The following MACROD2 variants were observed in gnomAD, a reference collection of about 807,000 sequenced individuals.
MACROD2 encodes the protein mono-ADP ribosylhydrolase 2, also known as ADP-ribose glycohydrolase MACROD2.
Under a neutral mutation model 70.4 loss-of-function variants are expected in MACROD2, and 36 were observed. The ratio of observed to expected loss-of-function variants is 0.51; its 90% confidence interval spans 0.39 to 0.68. The LOEUF is 0.68. Ranked by LOEUF, MACROD2 falls within the 30% of genes least tolerant of loss-of-function variation. The pLI is 0.00. For missense variants in MACROD2, 496 were observed against 538.4 expected (o/e 0.92, Z 0.78); for synonymous variants, 172 against 178.8 (o/e 0.96, Z 0.30).
At chr20:14,260,600 G>T (rs2082093679) in intron 3 of MACROD2, among the ~76,000 whole-genome samples, 1 of 152,112 alleles carries the variant, frequency 6.6e-6, no homozygotes, top group South Asian at 2.1e-4. Flanking sequence ...ACCACACCCA[G>T]CCCCTAAGCT....
chr20:14,639,473 T>A (rs1984973979), intron 4 of MACROD2, among the ~76,000 whole-genome samples: 1 of 152,218 alleles, frequency 6.6e-6, no homozygotes, highest in Non-Finnish European at 1.5e-5. Flanking sequence ...TAATTAATAA[T>A]CTTTCTGTTA....
chr20:14,692,247 T>A (rs2071073603), intron 5 of MACROD2, among the ~76,000 whole-genome samples: 2 of 152,172 alleles, frequency 1.3e-5, no homozygotes, highest in South Asian at 4.1e-4. Context: ...GTGAGGGCCA[T>A]TGCCCTAGAG....
At chr20:15,532,448 T>A (rs1269129603) in intron 8 of MACROD2, among the ~76,000 whole-genome samples, 1 of 152,060 alleles carries the variant, frequency 6.6e-6, no homozygotes, top group Non-Finnish European at 1.5e-5. Flanking sequence ...ATTTTGCAAG[T>A]TTTAGCTACC....
intron 7 of MACROD2, among the ~76,000 whole-genome samples, chr20:15,483,894 C>T (rs534727813): frequency 7.9e-5 from 12 of 152,018 alleles, no homozygotes; most frequent in Admixed American, 2.0e-4. Context: ...GAATGTTTGA[C>T]TTTTGTATAT....
At chr20:14,013,273 C>CTTTT (rs770856375) in intron 2 of MACROD2, among the ~76,000 whole-genome samples, 4 of 128,716 alleles carry the variant, frequency 3.1e-5, no homozygotes, top group Admixed American at 8.0e-5. Flanking sequence ...ACTGTACTTT[C>CTTTT]TTTTTTTTTT....
At chr20:15,572,803 A>G (rs2048392832) in intron 8 of MACROD2, among the ~76,000 whole-genome samples, 1 of 152,124 alleles carries the variant, frequency 6.6e-6, no homozygotes, top group Non-Finnish European at 1.5e-5. Context: ...TAGTCAGCAT[A>G]TTATCAAAGT....
chr20:14,167,108 C>CT (rs1005776324), intron 3 of MACROD2, among the ~76,000 whole-genome samples: 8 of 152,124 alleles, frequency 5.3e-5, no homozygotes, highest in African/African-American at 1.9e-4. Context: ...TCTCATGTCC[C>CT]TTTTTTATCT....
At chr20:14,492,881 T>A (rs1318968570) in intron 3 of MACROD2, among the ~76,000 whole-genome samples, 1 of 152,102 alleles carries the variant, frequency 6.6e-6, no homozygotes, top group Non-Finnish European at 1.5e-5. Context: ...TGTTTTATAT[T>A]TTTTTAGCTC....
At chr20:14,972,271 G>A (rs915842829) in intron 5 of MACROD2, among the ~76,000 whole-genome samples, 9 of 152,184 alleles carry the variant, frequency 5.9e-5, no homozygotes, top group Non-Finnish European at 2.9e-5. Context: ...GGCTTCTCTT[G>A]ATGTGGGAGG....
chr20:15,538,500 T>C (rs1317214100), intron 8 of MACROD2, among the ~76,000 whole-genome samples: 1 of 152,170 alleles, frequency 6.6e-6, no homozygotes, highest in African/African-American at 2.4e-5. Flanking sequence ...AAGTTGAACA[T>C]GTGGAGTTTG....
chr20:14,508,783 A>T (rs933960171), intron 4 of MACROD2, among the ~76,000 whole-genome samples: 1 of 152,210 alleles, frequency 6.6e-6, no homozygotes, highest in Non-Finnish European at 1.5e-5. Context: ...TAAAACAATT[A>T]CACAGTGAAT....
rs1177498607 is a variant in MACROD2 at position 15,234,012 on chromosome 20, C to CTTTTTTTTTTTTTT, written c.540+3975_540+3988dup. Among the ~76,000 whole-genome samples the CTTTTTTTTTTTTTT allele has an allele frequency of 2.4e-4, 7 of 29,184 alleles. 2 individuals carry two copies. Among genetic ancestry groups the CTTTTTTTTTTTTTT allele is most frequent in the Non-Finnish European group, 4.0e-4 (7 of 17,364 alleles). 19.1% of individuals were successfully genotyped at this position (29,184 alleles called of 152,430 possible). A position where few individuals can be genotyped will look rare whatever the true frequency, so the allele number is the denominator to read the frequency against. ...ATATATATATATATATATATATATT[C>CTTTTTTTTTTTTTT]TTTTTTTTTTTTTTTTTTTTTTTTT... On this transcript the variant is annotated intron_variant, in intron 6 of 17. Coordinates refer to ENST00000684519, the MANE Select transcript of MACROD2 (RefSeq NM_001351661.2).
chr20:15,152,224 G>T (rs1207898306), intron 5 of MACROD2, among the ~76,000 whole-genome samples: 2 of 151,918 alleles, frequency 1.3e-5, no homozygotes, highest in Non-Finnish European at 2.9e-5. Flanking sequence ...AAAATAAGAT[G>T]CTTAGATTTT....
chr20:15,386,892 G>C (rs1027978468), intron 6 of MACROD2, among the ~76,000 whole-genome samples: 1 of 152,152 alleles, frequency 6.6e-6, no homozygotes, highest in African/African-American at 2.4e-5. Context: ...CCTGTAATCT[G>C]TGATCCCTGG....
chr20:15,522,754 G>C (rs1179832094), intron 8 of MACROD2, among the ~76,000 whole-genome samples: 1 of 152,152 alleles, frequency 6.6e-6, no homozygotes, highest in African/African-American at 2.4e-5. Context: ...GACTTGGATG[G>C]CCTTTAGCTG....
At chr20:15,052,703 ACT>A (rs1289517993) in intron 5 of MACROD2, among the ~76,000 whole-genome samples, 1 of 152,112 alleles carries the variant, frequency 6.6e-6, no homozygotes, top group Non-Finnish European at 1.5e-5. Context: ...CCAGTTAATA[ACT>A]CTACAATGGC....
At chr20:14,256,009 G>C (rs58623651) in intron 3 of MACROD2, among the ~76,000 whole-genome samples, 56,962 of 151,638 alleles carry the variant, frequency 0.38, 12,512 homozygotes, top group African/African-American at 0.59. Flanking sequence ...GTTTAGATTA[G>C]TTTTTTCCCA....
intron 8 of MACROD2, among the ~76,000 whole-genome samples, chr20:15,598,730 T>C (rs2146683217): frequency 6.6e-6 from 1 of 152,340 alleles, no homozygotes; most frequent in East Asian, 1.9e-4. Context: ...CCATGCTCAC[T>C]GGAAACAAAG....
intron 8 of MACROD2, among the ~76,000 whole-genome samples, chr20:15,655,532 C>A (rs2049717121): frequency 6.6e-6 from 1 of 151,820 alleles, no homozygotes; most frequent in African/African-American, 2.4e-5. Context: ...GCTCCCTTGA[C>A]GTAAAGATTT....
Sources: allele counts gnomAD v4.1 joint callset (sites outside exome capture counted in the v4.1 genomes callset), GRCh38; gene constraint gnomAD v4.1.1; transcripts MANE v1.5; gene names NCBI Gene and HGNC (gene_info 2026-07-23, HGNC 2026-07-21).